FAT3: variants seen among roughly 807,000 people sequenced by gnomAD.
The protein encoded by FAT3 is protocadherin Fat 3.
Under a neutral mutation model 310.2 loss-of-function variants are expected in FAT3, and 95 were observed. The observed-to-expected ratio is 0.31, with a 90% CI of 0.26 to 0.36. FAT3 has a LOEUF of 0.36. FAT3 is among the 10% of genes least tolerant of loss of function. FAT3 has a pLI of 1.00. For missense variants in FAT3, 5,408 were observed against 5,715.6 expected (o/e 0.95, Z 1.74); for synonymous variants, 2,314 against 2,192.9 (o/e 1.06, Z -1.54).
chr11:92,712,418 T>C (rs143897862), intron 4 of FAT3, among the ~76,000 whole-genome samples: 1 of 152,142 alleles, frequency 6.6e-6, no homozygotes, highest in Non-Finnish European at 1.5e-5. Context: ...AAAAATAATA[T>C]GCTTCTATAA....
Position 92,800,297 on chromosome 11 carries a change from G to A in FAT3, c.7284G>A (p.Arg2428=), listed in dbSNP as rs745351486. Residue 2428 remains arginine (R), a synonymous_variant, in exon 10 of 28, where the codon CGG becomes CGA. Coordinates refer to ENST00000525166, the MANE Select transcript of FAT3 (RefSeq NM_001367949.2). ...ATGCAGACAGCTCTGATTTTGACCG[G>A]TTGGAATATAGCATTTTATCTGGGA... is the stretch of plus-strand genomic sequence containing the variant. ...ASDADSSDFD[R]LEYSILSGND... is the part of the protein sequence containing the mutation. The A allele has an allele frequency of 2.5e-5, 41 of 1,613,728 alleles. No individual in the cohort carries two copies. The South Asian group carries it at 4.3e-4, about 17-fold the overall frequency.
At chr11:92,512,161 A>C (rs1240574848) in intron 2 of FAT3, among the ~76,000 whole-genome samples, 2 of 152,182 alleles carry the variant, frequency 1.3e-5, no homozygotes, top group African/African-American at 4.8e-5. Context: ...GTATACATTT[A>C]AGTATGTTAT....
At chr11:92,626,421 T>A (rs773737991) in intron 3 of FAT3, among the ~76,000 whole-genome samples, 3 of 152,090 alleles carry the variant, frequency 2.0e-5, no homozygotes, top group Non-Finnish European at 2.9e-5. Flanking sequence ...GCAGAAAGAC[T>A]ATTTTTTTAG....
chr11:92,328,141 C>T (rs971927906), intron 1 of FAT3, among the ~76,000 whole-genome samples: 1 of 152,134 alleles, frequency 6.6e-6, no homozygotes, highest in Admixed American at 6.5e-5. Context: ...TCTGCCTGGA[C>T]ATTAAGTGCT....
intron 13 of FAT3, among the ~76,000 whole-genome samples, chr11:92,827,903 C>T (rs773442461): frequency 1.3e-5 from 2 of 152,202 alleles, no homozygotes; most frequent in African/African-American, 2.4e-5. Context: ...AGAAACCTCA[C>T]TTGCAATGAA....
intron 3 of FAT3, among the ~76,000 whole-genome samples, chr11:92,539,123 A>G (rs183167781): frequency 6.6e-6 from 1 of 152,206 alleles, no homozygotes; most frequent in Admixed American, 6.5e-5. Context: ...TAAATTGTTC[A>G]TTTTTTACTG....
At chr11:92,744,265 G>A (rs1246123704) in intron 4 of FAT3, among the ~76,000 whole-genome samples, 6 of 152,124 alleles carry the variant, frequency 3.9e-5, no homozygotes, top group Non-Finnish European at 5.9e-5. Flanking sequence ...CCTAGAGAAG[G>A]AATGATGAAT....
At chr11:92,403,552 T>C (rs1950070797) in intron 2 of FAT3, among the ~76,000 whole-genome samples, 2 of 152,116 alleles carry the variant, frequency 1.3e-5, no homozygotes, top group Non-Finnish European at 2.9e-5. Flanking sequence ...TAGGAAGATA[T>C]AAAAGAGTTA....
At chr11:92,655,927 A>G (rs1942566277) in intron 3 of FAT3, among the ~76,000 whole-genome samples, 1 of 152,214 alleles carries the variant, frequency 6.6e-6, no homozygotes, top group African/African-American at 2.4e-5. Flanking sequence ...TTTCATAAAT[A>G]TGCAATGAAT....
At chr11:92,533,488 G>A (rs1171644891) in intron 3 of FAT3, among the ~76,000 whole-genome samples, 1 of 152,178 alleles carries the variant, frequency 6.6e-6, no homozygotes, top group Non-Finnish European at 1.5e-5. Flanking sequence ...CCATTTATGA[G>A]AAGCAGATTT....
At chr11:92,760,350 T>C (rs1202606232) in intron 4 of FAT3, among the ~76,000 whole-genome samples, 1 of 152,242 alleles carries the variant, frequency 6.6e-6, no homozygotes, top group Admixed American at 6.5e-5. Context: ...ATTTTTGGCC[T>C]TTGTTTCAGT....
chr11:92,851,363 A>G lies in FAT3; in HGVS notation c.11366-5851A>G, dbSNP rs150154095. On this transcript the variant is annotated intron_variant, in intron 19 of 27. Transcript: ENST00000525166. ...AAGTTGCTTTCACATACACTAGCCC[A>G]TTTCATTCTCACAGCACTATAAAGA... 2.1e-3 allele frequency among the ~76,000 whole-genome samples: 320 copies of G among 152,290 alleles called. 1 individual carries two copies. The highest frequency in any genetic ancestry group is 7.2e-3 in the African/African-American group (300 of 41,552).
intron 4 of FAT3, among the ~76,000 whole-genome samples, chr11:92,761,648 C>T (rs970201786): frequency 6.6e-6 from 1 of 151,990 alleles, no homozygotes; most frequent in Non-Finnish European, 1.5e-5. Flanking sequence ...CCTTAATAAC[C>T]ACATATGGGC....
intron 3 of FAT3, among the ~76,000 whole-genome samples, chr11:92,615,813 C>G (rs1940775729): frequency 6.6e-6 from 1 of 152,126 alleles, no homozygotes; most frequent in Non-Finnish European, 1.5e-5. Flanking sequence ...ATCATGAGTT[C>G]TAGTTTGATT....
chr11:92,300,673 A>G (rs953105941), intron 1 of FAT3, among the ~76,000 whole-genome samples: 3 of 152,026 alleles, frequency 2.0e-5, no homozygotes, highest in African/African-American at 7.2e-5. Flanking sequence ...GTGAAATTTC[A>G]TATTTGTTTT....
chr11:92,306,868 G>A (rs1443480877), intron 1 of FAT3, among the ~76,000 whole-genome samples: 1 of 147,240 alleles, frequency 6.8e-6, no homozygotes, highest in Non-Finnish European at 1.5e-5. Context: ...ATAGCTCACT[G>A]CATTTTCAGA....
At chr11:92,723,813 A>G (rs1944927768) in intron 4 of FAT3, among the ~76,000 whole-genome samples, 1 of 152,160 alleles carries the variant, frequency 6.6e-6, no homozygotes. Flanking sequence ...TATCACGAGA[A>G]CAGCACGGGA....
intron 1 of FAT3, among the ~76,000 whole-genome samples, chr11:92,285,165 G>A (rs181242225): frequency 1.3e-5 from 2 of 152,150 alleles, no homozygotes; most frequent in African/African-American, 4.8e-5. Context: ...GAAGACAGAA[G>A]ACTGATGTCT....
At chr11:92,850,217 C>G (rs1445842599) in intron 19 of FAT3, among the ~76,000 whole-genome samples, 1 of 152,260 alleles carries the variant, frequency 6.6e-6, no homozygotes, top group South Asian at 2.1e-4. Context: ...GGTTAACTCC[C>G]TACAAACTGG....
Sources: gnomAD v4.1 joint callset for allele counts (sites outside exome capture counted in the v4.1 genomes callset) on GRCh38, gnomAD v4.1.1 for gene constraint, MANE v1.5 for transcripts, NCBI Gene and HGNC (gene_info 2026-07-23, HGNC 2026-07-21) for gene names.